The following SAMD12 variants were observed in gnomAD, a reference collection of about 807,000 sequenced individuals.
SAMD12 encodes sterile alpha motif domain containing 12, also known as sterile alpha motif domain-containing protein 12.
In SAMD12, 9 loss-of-function variants were observed where a neutral mutation model predicts 15.0. The ratio of observed to expected loss-of-function variants is 0.60; its 90% CI spans 0.36 to 1.05. The LOEUF is 1.05. Ranked by LOEUF, SAMD12 falls within the 50% of genes least tolerant of loss-of-function variation. The probability of loss-of-function intolerance (pLI) is 0.01; values close to 1 mark genes in which losing one functional copy is unlikely to be tolerated. For synonymous variants in SAMD12, 86 were observed against 90.1 expected (o/e 0.96, Z 0.25); for missense variants, 230 against 234.2 (o/e 0.98, Z 0.12).
chr8:118,203,228 T>G (rs1319385636), intron 4 of SAMD12, among the ~76,000 whole-genome samples: 1 of 152,160 alleles, frequency 6.6e-6, no homozygotes, highest in Non-Finnish European at 1.5e-5. Context: ...ATACATGGAG[T>G]GCCATAAATA....
intron 4 of SAMD12, among the ~76,000 whole-genome samples, chr8:118,332,489 T>A (rs1193424239): frequency 6.6e-6 from 1 of 152,200 alleles, no homozygotes; most frequent in African/African-American, 2.4e-5. Context: ...TGTGCAGGTG[T>A]CGTTCGTTTA....
chr8:118,416,705 A>G (rs4077747), intron 3 of SAMD12, among the ~76,000 whole-genome samples: 37,661 of 151,992 alleles, frequency 0.25, 5,052 homozygotes, highest in Admixed American at 0.42. Flanking sequence ...ACCCCACTTA[A>G]CCTTATTCAG....
chr8:118,523,312 C>T (rs1002774706), intron 2 of SAMD12, among the ~76,000 whole-genome samples: 1 of 152,128 alleles, frequency 6.6e-6, no homozygotes, highest in African/African-American at 2.4e-5. Flanking sequence ...CTGATAGGTC[C>T]AGACTTAAAA....
the SAMD12 span, among the ~76,000 whole-genome samples, chr8:118,144,591 A>G: frequency 1.1e-4 from 17 of 152,194 alleles, no homozygotes; most frequent in Admixed American, 3.3e-4. Flanking sequence ...ATTTTTATTA[A>G]TAAAATTAAT....
At chr8:118,487,162 T>C (rs1229620619) in intron 2 of SAMD12, among the ~76,000 whole-genome samples, 1 of 152,106 alleles carries the variant, frequency 6.6e-6, no homozygotes, top group African/African-American at 2.4e-5. Flanking sequence ...GGCTAGGACA[T>C]GGTCAGCTTT....
In SAMD12 at chr8:118,340,747, C is replaced by T. The variant is rs529092594; in HGVS notation, c.433+38813G>A. On this transcript the variant is annotated intron_variant, in intron 4 of 4. Coordinates refer to the SAMD12 transcript ENST00000409003. ...TTTTGTCACTGCGCTCCAGCCTGGG[C>T]GACAGAGTGAGACTCTGTCTCAAAA... 9.2e-5 allele frequency among the ~76,000 whole-genome samples: 14 copies of T among 152,144 alleles called. 1 individual carries two copies. The highest frequency in any genetic ancestry group is 2.1e-4 in the South Asian group (1 of 4,820).
chr8:118,414,055 T>C (rs1032195007), intron 3 of SAMD12, among the ~76,000 whole-genome samples: 9 of 152,230 alleles, frequency 5.9e-5, no homozygotes, highest in African/African-American at 2.2e-4. Context: ...CATAATGGCA[T>C]AGCTGTATTT....
At chr8:118,217,162 C>T (rs1398861295) in intron 4 of SAMD12, among the ~76,000 whole-genome samples, 2 of 152,144 alleles carry the variant, frequency 1.3e-5, no homozygotes, top group Non-Finnish European at 2.9e-5. Context: ...CACCACCACA[C>T]CCAGCTAATT....
chr8:118,556,103 T>A (rs1826522097), intron 2 of SAMD12, among the ~76,000 whole-genome samples: 1 of 152,232 alleles, frequency 6.6e-6, no homozygotes, highest in Non-Finnish European at 1.5e-5. Context: ...AACAAAGGTC[T>A]GGAATTTACA....
At chr8:118,333,971 G>A (rs2062425) in intron 4 of SAMD12, among the ~76,000 whole-genome samples, 54,410 of 139,344 alleles carry the variant, frequency 0.39, 11,413 homozygotes, top group African/African-American at 0.56. Flanking sequence ...GGGCAGGGGT[G>A]TGTCTGTGTG....
intron 2 of SAMD12, among the ~76,000 whole-genome samples, chr8:118,575,460 G>C (rs1827123613): frequency 6.6e-6 from 1 of 152,094 alleles, no homozygotes; most frequent in Non-Finnish European, 1.5e-5. Context: ...CAAATAAATA[G>C]ATCATTTGTA....
intron 2 of SAMD12, among the ~76,000 whole-genome samples, chr8:118,551,892 C>T (rs1197468264): frequency 6.6e-6 from 1 of 151,224 alleles, no homozygotes; most frequent in African/African-American, 2.4e-5. Flanking sequence ...GAGAATACTA[C>T]AAATACGTCT....
chr8:118,148,921 T>A, the SAMD12 span, among the ~76,000 whole-genome samples: 1 of 152,248 alleles, frequency 6.6e-6, no homozygotes, highest in South Asian at 2.1e-4. Flanking sequence ...ATTTTGCTTA[T>A]CCATTCACCA....
At chr8:118,479,073 C>T (rs1273698427) in intron 2 of SAMD12, among the ~76,000 whole-genome samples, 1 of 143,784 alleles carries the variant, frequency 7.0e-6, no homozygotes, top group African/African-American at 2.9e-5. Context: ...CCATTTCTCT[C>T]AAAATAAAAG....
intron 4 of SAMD12, among the ~76,000 whole-genome samples, chr8:118,211,693 TC>T (rs1811829835): frequency 6.6e-6 from 1 of 152,182 alleles, no homozygotes; most frequent in Non-Finnish European, 1.5e-5. Flanking sequence ...CTTTTTTTTT[TC>T]TTAATTTTCT....
intron 4 of SAMD12, among the ~76,000 whole-genome samples, chr8:118,334,313 G>A (rs1207088451): frequency 6.6e-6 from 1 of 152,086 alleles, no homozygotes; most frequent in Admixed American, 6.6e-5. Context: ...TATGTACACA[G>A]TATCTCTTTG....
At chr8:118,256,639 A>T (rs545757049) in intron 4 of SAMD12, among the ~76,000 whole-genome samples, 1 of 152,086 alleles carries the variant, frequency 6.6e-6, no homozygotes, top group African/African-American at 2.4e-5. Context: ...TTTAAAATAA[A>T]GATAATGATT....
chr8:118,310,747 T>C (rs976878491), intron 4 of SAMD12, among the ~76,000 whole-genome samples: 8 of 152,316 alleles, frequency 5.3e-5, no homozygotes, highest in East Asian at 3.9e-4. Context: ...AGCAAAGAAC[T>C]TGGACTTCCT....
At chr8:118,320,136 A>T (rs1816156136) in intron 4 of SAMD12, among the ~76,000 whole-genome samples, 2 of 152,206 alleles carry the variant, frequency 1.3e-5, no homozygotes, top group South Asian at 2.1e-4. Context: ...CTGTGGCAAA[A>T]TTCTACAGAT....
Sources: allele counts gnomAD v4.1 joint callset (sites outside exome capture counted in the v4.1 genomes callset), GRCh38; gene constraint gnomAD v4.1.1; transcripts MANE v1.5; gene names NCBI Gene and HGNC (gene_info 2026-07-23, HGNC 2026-07-21).